RABGAP1L: variants seen among roughly 807,000 people sequenced by gnomAD.
RABGAP1L encodes the protein RAB GTPase activating protein 1 like.
In RABGAP1L, 63 loss-of-function variants were observed where a neutral mutation model predicts 137.7. The ratio of observed to expected loss-of-function variants is 0.46; its 90% CI spans 0.37 to 0.56. The LOEUF is 0.56. Among genes scored for constraint, RABGAP1L ranks in the 20% least tolerant of loss-of-function variants. RABGAP1L has a pLI of 0.00. For missense variants in RABGAP1L, 1,095 were observed against 1,244.0 expected (o/e 0.88, Z 1.80); for synonymous variants, 431 against 433.7 (o/e 0.99, Z 0.08).
chr1:174,453,495 T>A (rs1655673212), intron 13 of RABGAP1L, among the ~76,000 whole-genome samples: 1 of 152,190 alleles, frequency 6.6e-6, no homozygotes. Context: ...AAGATTTAGA[T>A]GTGAGAAATC....
intron 13 of RABGAP1L, among the ~76,000 whole-genome samples, chr1:174,596,542 T>G (rs1250911347): frequency 6.6e-6 from 1 of 152,244 alleles, no homozygotes; most frequent in Non-Finnish European, 1.5e-5. Flanking sequence ...ATTTAAATGC[T>G]ATTGATTTTC....
In RABGAP1L at chr1:174,637,508, T is replaced by C. The variant is rs1360633387; in HGVS notation, c.1824+20T>C. 5 of 1,501,620 alleles carry C rather than the reference T, an allele frequency of 3.3e-6. No individual in the cohort carries two copies. The highest frequency in any genetic ancestry group is 4.6e-6 in the Non-Finnish European group (5 of 1,083,000). 93.0% of individuals were successfully genotyped at this position (1,501,620 alleles called of 1,614,324 possible). A position where few individuals can be genotyped will look rare whatever the true frequency, so the allele number is the denominator to read the frequency against. Reference sequence around the variant, plus strand: ...TGCAAGGTAGGACTCTCTTCCTCACTTTTTCTAAATTATTTTACAGAGCTA... The same window carrying C: ...TGCAAGGTAGGACTCTCTTCCTCACCTTTTCTAAATTATTTTACAGAGCTA... On this transcript the variant is annotated intron_variant, in intron 14 of 25. Coordinates refer to ENST00000681986, the MANE Select transcript of RABGAP1L (RefSeq NM_001366446.1).
At chr1:174,479,793 G>T (rs1032750319) in intron 13 of RABGAP1L, among the ~76,000 whole-genome samples, 3 of 152,162 alleles carry the variant, frequency 2.0e-5, no homozygotes, top group African/African-American at 7.2e-5. Flanking sequence ...GTCTTAATTG[G>T]ATAATTGGTT....
intron 19 of RABGAP1L, among the ~76,000 whole-genome samples, chr1:174,885,548 G>C (rs970552005): frequency 6.6e-6 from 1 of 152,040 alleles, no homozygotes; most frequent in Non-Finnish European, 1.5e-5. Flanking sequence ...TAGAGATGGG[G>C]TTTCACTGTG....
intron 4 of RABGAP1L, among the ~76,000 whole-genome samples, chr1:174,233,266 A>ATT (rs34674306): frequency 0.23 from 33,809 of 149,966 alleles, 4,230 homozygotes; most frequent in Non-Finnish European, 0.27. Flanking sequence ...TATGAAGATA[A>ATT]TTTTTTTTTT....
intron 13 of RABGAP1L, among the ~76,000 whole-genome samples, chr1:174,488,105 T>C (rs1659849696): frequency 2.6e-5 from 4 of 152,142 alleles, no homozygotes; most frequent in South Asian, 2.1e-4. Context: ...TTTTTTTCTG[T>C]GTATTTACTG....
intron 19 of RABGAP1L, among the ~76,000 whole-genome samples, chr1:174,943,435 A>C (rs1423566725): frequency 6.6e-6 from 1 of 152,198 alleles, no homozygotes; most frequent in East Asian, 1.9e-4. Flanking sequence ...AGAAGCAATA[A>C]AAATTAGAGC....
chr1:174,167,217 C>T (rs1664986466), intron 1 of RABGAP1L, among the ~76,000 whole-genome samples: 1 of 126,508 alleles, frequency 7.9e-6, no homozygotes, highest in South Asian at 3.0e-4. Flanking sequence ...TTTTTTCCCC[C>T]TCTTTTTTGA....
chr1:174,858,205 T>A (rs1649638081), intron 19 of RABGAP1L, among the ~76,000 whole-genome samples: 1 of 152,020 alleles, frequency 6.6e-6, no homozygotes, highest in Non-Finnish European at 1.5e-5. Flanking sequence ...TTTGTAGAGA[T>A]GGGGTCTCAC....
Position 174,474,913 on chromosome 1 carries a change from T to A in RABGAP1L, c.1710+80768T>A, listed in dbSNP as rs559197432. Among the ~76,000 whole-genome samples, 3 of 141,922 alleles carry A rather than the reference T, an allele frequency of 2.1e-5. No homozygotes were observed. In the South Asian group the frequency reaches 6.6e-4, roughly 31 times the overall value. 93.1% of individuals were successfully genotyped at this position (141,922 alleles called of 152,430 possible). On this transcript the variant is annotated intron_variant, in intron 13 of 25. Coordinates refer to ENST00000681986, the MANE Select transcript of RABGAP1L (RefSeq NM_001366446.1). ...ACTGCGCCTGGCCTTCTGATTCTTA[T>A]TTCTGTCATCTATAAAGCAGGGAAA...
At chr1:174,430,800 C>A (rs1230859921) in intron 13 of RABGAP1L, among the ~76,000 whole-genome samples, 1 of 152,080 alleles carries the variant, frequency 6.6e-6, no homozygotes, top group East Asian at 1.9e-4. Flanking sequence ...TAATTAAACT[C>A]ATGATTAAGA....
intron 17 of RABGAP1L, among the ~76,000 whole-genome samples, chr1:174,714,045 T>G (rs922623421): frequency 6.6e-6 from 1 of 152,214 alleles, no homozygotes; most frequent in African/African-American, 2.4e-5. Context: ...ATTCCCTTCC[T>G]TCCTCCCCAG....
chr1:174,747,904 G>T (rs1684011581), intron 17 of RABGAP1L, among the ~76,000 whole-genome samples: 2 of 149,620 alleles, frequency 1.3e-5, no homozygotes, highest in Admixed American at 6.7e-5. Context: ...CTTCATTTCT[G>T]TGAGATCTAA....
At chr1:174,208,053 C>T (rs920975708) in intron 1 of RABGAP1L, among the ~76,000 whole-genome samples, 7 of 152,090 alleles carry the variant, frequency 4.6e-5, no homozygotes, top group African/African-American at 9.7e-5. Flanking sequence ...AATTTCCTTC[C>T]TCAGTGTTTT....
intron 17 of RABGAP1L, among the ~76,000 whole-genome samples, chr1:174,748,244 T>G (rs1573015617): frequency 6.6e-6 from 1 of 152,294 alleles, no homozygotes; most frequent in East Asian, 1.9e-4. Flanking sequence ...TGTAAATTGG[T>G]CTAGTTGGGT....
intron 19 of RABGAP1L, among the ~76,000 whole-genome samples, chr1:174,926,947 C>T (rs1156851136): frequency 6.6e-6 from 1 of 151,930 alleles, no homozygotes. Context: ...GTGGCACACA[C>T]CTGTAATTCC....
chr1:174,955,718 A>G (rs1038616645), intron 19 of RABGAP1L, among the ~76,000 whole-genome samples: 3 of 152,226 alleles, frequency 2.0e-5, no homozygotes, highest in African/African-American at 7.2e-5. Flanking sequence ...AGAGTACGCA[A>G]GAAGTTTGCA....
At chr1:174,602,138 G>A (rs750304071) in intron 13 of RABGAP1L, among the ~76,000 whole-genome samples, 22 of 152,010 alleles carry the variant, frequency 1.4e-4, no homozygotes, top group South Asian at 6.2e-4. Context: ...GTATCTTTTC[G>A]TCAACGCCCC....
At chr1:174,804,504 C>T (rs1052207241) in intron 18 of RABGAP1L, among the ~76,000 whole-genome samples, 1 of 152,026 alleles carries the variant, frequency 6.6e-6, no homozygotes. Context: ...CTGTTCTTCA[C>T]CTGGGAAATT....
Sources: gnomAD v4.1 joint callset for allele counts (sites outside exome capture counted in the v4.1 genomes callset) on GRCh38, gnomAD v4.1.1 for gene constraint, MANE v1.5 for transcripts, NCBI Gene and HGNC (gene_info 2026-07-23, HGNC 2026-07-21) for gene names.